The following GALNTL6 variants were observed in gnomAD, a reference collection of about 807,000 sequenced individuals.
GALNTL6 encodes the protein polypeptide N-acetylgalactosaminyltransferase-like 6.
In GALNTL6, 46 loss-of-function variants were observed where a neutral mutation model predicts 73.7. The observed-to-expected ratio is 0.62, with a 90% confidence interval of 0.49 to 0.80. The LOEUF (loss-of-function observed/expected upper bound fraction) is 0.80, where lower values mean the gene tolerates loss of function less well. Among genes scored for constraint, GALNTL6 ranks in the 30% least tolerant of loss-of-function variants. The probability of loss-of-function intolerance (pLI) is 0.00; values close to 1 mark genes in which losing one functional copy is unlikely to be tolerated. For missense variants in GALNTL6, 604 were observed against 755.0 expected (o/e 0.80, Z 2.34); for synonymous variants, 259 against 263.7 (o/e 0.98, Z 0.17).
chr4:172,855,537 G>C lies in GALNTL6; in HGVS notation c.924-27253G>C, dbSNP rs1744080345. 2.6e-5 allele frequency among the ~76,000 whole-genome samples: 4 copies of C among 152,278 alleles called. No individual in the cohort carries two copies. The South Asian group carries it at 8.3e-4, about 32-fold the overall frequency. ...ATGACCAATTTCTGTGTTCTAATCA[G>C]TCAGTCAAGGTCATGAGAGCTCATT... is the stretch of plus-strand genomic sequence containing the variant. On this transcript the variant is annotated intron_variant, in intron 7 of 12. Transcript: ENST00000506823.
chr4:172,546,057 C>T (rs1735734358), intron 5 of GALNTL6, among the ~76,000 whole-genome samples: 1 of 152,086 alleles, frequency 6.6e-6, no homozygotes, highest in Non-Finnish European at 1.5e-5. Flanking sequence ...TGTATGTATA[C>T]ACAGACTTCT....
chr4:173,029,199 T>TA (rs1265238185), intron 12 of GALNTL6, among the ~76,000 whole-genome samples: 1 of 152,188 alleles, frequency 6.6e-6, no homozygotes, highest in East Asian at 1.9e-4. Context: ...ATGAAGTCAC[T>TA]AAAAAATCCT....
At chr4:172,867,617 C>T (rs1744725514) in intron 7 of GALNTL6, among the ~76,000 whole-genome samples, 2 of 152,334 alleles carry the variant, frequency 1.3e-5, no homozygotes, top group Middle Eastern at 3.4e-3. Context: ...CGAAGGTGCA[C>T]AATGCTTTCT....
intron 2 of GALNTL6, among the ~76,000 whole-genome samples, chr4:172,217,104 AG>A (rs1406261122): frequency 5.3e-5 from 8 of 152,188 alleles, no homozygotes; most frequent in Non-Finnish European, 1.0e-4. Flanking sequence ...TAGACACAAC[AG>A]ATGACAAATG....
intron 2 of GALNTL6, among the ~76,000 whole-genome samples, chr4:172,175,020 C>G (rs1425651032): frequency 1.3e-5 from 2 of 152,018 alleles, no homozygotes; most frequent in Non-Finnish European, 2.9e-5. Context: ...CTGCATATAC[C>G]CTAAGAGAGT....
intron 2 of GALNTL6, among the ~76,000 whole-genome samples, chr4:171,863,414 C>T (rs894171476): frequency 2.0e-5 from 3 of 152,102 alleles, no homozygotes; most frequent in Non-Finnish European, 4.4e-5. Flanking sequence ...AATAGAATTT[C>T]TGAAAGAAGC....
At chr4:172,816,549 G>A (rs1459902165) in intron 7 of GALNTL6, among the ~76,000 whole-genome samples, 1 of 152,136 alleles carries the variant, frequency 6.6e-6, no homozygotes, top group African/African-American at 2.4e-5. Context: ...ACCTGATGTG[G>A]TATAAACTGT....
rs1028284035 is a variant in GALNTL6, at chr4:172,153,890, C to T, written c.139-75766C>T. 4.6e-5 allele frequency among the ~76,000 whole-genome samples: 7 copies of T among 152,322 alleles called. No individual in the cohort carries two copies. In the East Asian group the frequency reaches 1.4e-3, roughly 29 times the overall value. Reference sequence around the variant, plus strand: ...CAAAGTACAATACTCTGCCACCAGGCCTCTTGACCTTTCAAGGAGGCGTTG... The same window carrying T: ...CAAAGTACAATACTCTGCCACCAGGTCTCTTGACCTTTCAAGGAGGCGTTG... On this transcript the variant is annotated intron_variant, in intron 2 of 12. Transcript: ENST00000506823.
intron 7 of GALNTL6, among the ~76,000 whole-genome samples, chr4:172,835,390 C>A (rs891180753): frequency 1.3e-5 from 2 of 152,152 alleles, no homozygotes; most frequent in African/African-American, 2.4e-5. Context: ...CAGGTATAGA[C>A]AATAACATGA....
intron 8 of GALNTL6, among the ~76,000 whole-genome samples, chr4:172,903,496 C>G (rs1746731592): frequency 6.6e-6 from 1 of 152,136 alleles, no homozygotes; most frequent in South Asian, 2.1e-4. Flanking sequence ...GACTATTTCA[C>G]CCATTAAACA....
chr4:172,858,199 A>T (rs542899165), intron 7 of GALNTL6, among the ~76,000 whole-genome samples: 33 of 152,332 alleles, frequency 2.2e-4, no homozygotes, highest in African/African-American at 6.3e-4. Context: ...AACACTTCTC[A>T]ATTTTAAACT....
At chr4:172,568,379 A>T (rs149996890) in intron 5 of GALNTL6, among the ~76,000 whole-genome samples, 19 of 152,270 alleles carry the variant, frequency 1.2e-4, no homozygotes, top group Middle Eastern at 6.8e-3. Context: ...CTGACCTTGG[A>T]GGGCAAGTCA....
chr4:172,759,833 T>C (rs1737969586), intron 5 of GALNTL6, among the ~76,000 whole-genome samples: 1 of 37,964 alleles, frequency 2.6e-5, no homozygotes, highest in African/African-American at 9.0e-5. Context: ...TTTTTTTTTT[T>C]TTTTTTTTTT....
chr4:172,831,864 C>T (rs1742657719), intron 7 of GALNTL6, among the ~76,000 whole-genome samples: 1 of 152,168 alleles, frequency 6.6e-6, no homozygotes, highest in Non-Finnish European at 1.5e-5. Flanking sequence ...CACAACAAGA[C>T]GTCTGCAGTC....
chr4:172,048,730 T>TTTTTA (rs199772411), intron 2 of GALNTL6, among the ~76,000 whole-genome samples: 9,291 of 151,882 alleles, frequency 0.061, 449 homozygotes, highest in Non-Finnish European at 0.09. Context: ...AGTTTTTCAT[T>TTTTTA]TTTTATTTTA....
intron 5 of GALNTL6, among the ~76,000 whole-genome samples, chr4:172,685,585 A>G (rs1732869687): frequency 6.6e-6 from 1 of 152,174 alleles, no homozygotes; most frequent in South Asian, 2.1e-4. Context: ...TGGAATGAGT[A>G]TCTTCTTATT....
intron 2 of GALNTL6, among the ~76,000 whole-genome samples, chr4:172,207,919 A>G (rs1461616445): frequency 6.6e-6 from 1 of 152,212 alleles, no homozygotes; most frequent in Non-Finnish European, 1.5e-5. Context: ...TTCATTCTGT[A>G]TGACTTGTAG....
intron 4 of GALNTL6, among the ~76,000 whole-genome samples, chr4:172,321,781 G>A (rs1159541216): frequency 6.6e-6 from 1 of 152,122 alleles, no homozygotes; most frequent in Non-Finnish European, 1.5e-5. Flanking sequence ...GGGCAGGAGA[G>A]GGTCCCCCAC....
At chr4:172,233,847 T>C (rs1450958453) in intron 3 of GALNTL6, among the ~76,000 whole-genome samples, 3 of 152,084 alleles carry the variant, frequency 2.0e-5, no homozygotes, top group Non-Finnish European at 4.4e-5. Context: ...ATTTAGCCTA[T>C]GGATAAATTA....
Sources: allele counts gnomAD v4.1 joint callset (sites outside exome capture counted in the v4.1 genomes callset), GRCh38; gene constraint gnomAD v4.1.1; transcripts MANE v1.5; gene names NCBI Gene and HGNC (gene_info 2026-07-23, HGNC 2026-07-21).